MSH3: variants seen among roughly 807,000 people sequenced by gnomAD.
MSH3 encodes DNA mismatch repair protein Msh3.
In MSH3, 106 loss-of-function variants were observed where a neutral mutation model predicts 123.3. The ratio of observed to expected loss-of-function variants is 0.86; its 90% CI spans 0.73 to 1.01. The LOEUF is 1.01. Ranked by LOEUF, MSH3 falls within the 50% of genes least tolerant of loss-of-function variation. MSH3 has a pLI of 0.00. For synonymous variants in MSH3, 515 were observed against 481.4 expected (o/e 1.07, Z -0.91); for missense variants, 1,459 against 1,347.6 (o/e 1.08, Z -1.29).
At chr5:80,771,372 G>A (rs1423999705) in intron 15 of MSH3, among the ~76,000 whole-genome samples, 1 of 151,726 alleles carries the variant, frequency 6.6e-6, no homozygotes, top group Non-Finnish European at 1.5e-5. Flanking sequence ...CCTGCTACTC[G>A]GGAGACTAAG....
chr5:80,662,462 A>G (rs1749457218), intron 2 of MSH3, among the ~76,000 whole-genome samples: 1 of 152,258 alleles, frequency 6.6e-6, no homozygotes, highest in East Asian at 1.9e-4. Context: ...TGATTATTTC[A>G]TCTCTGTTTT....
intron 10 of MSH3, among the ~76,000 whole-genome samples, chr5:80,733,808 G>GA (rs530450436): frequency 6.0e-5 from 9 of 150,654 alleles, no homozygotes; most frequent in African/African-American, 1.5e-4. Context: ...CTATAACTAG[G>GA]AAAAAAAAAG....
intron 2 of MSH3, among the ~76,000 whole-genome samples, chr5:80,663,235 T>G (rs974525204): frequency 3.3e-5 from 5 of 152,160 alleles, no homozygotes; most frequent in Non-Finnish European, 7.3e-5. Flanking sequence ...AAATTTGGAG[T>G]AACTGGCAAG....
intron 22 of MSH3, 108 bp downstream of exon 22, chr5:80,865,050 TGAGC>T: frequency 8.9e-7 from 1 of 1,126,530 alleles, no homozygotes; most frequent in South Asian, 1.3e-5. Flanking sequence ...GCTGTGAATG[TGAGC>T]TATAAATAAC....
intron 12 of MSH3, among the ~76,000 whole-genome samples, chr5:80,756,510 T>C (rs1743929001): frequency 6.6e-6 from 1 of 152,166 alleles, no homozygotes; most frequent in South Asian, 2.1e-4. Flanking sequence ...CATTTTCCAC[T>C]AATCTTTTAT....
intron 20 of MSH3, among the ~76,000 whole-genome samples, chr5:80,837,585 A>G (rs1445483605): frequency 2.0e-5 from 3 of 150,250 alleles, no homozygotes; most frequent in Admixed American, 6.7e-5. Flanking sequence ...CTAAAAAAAT[A>G]AAATAAAAAT....
At chr5:80,859,806 G>T (rs754277790) in intron 21 of MSH3, among the ~76,000 whole-genome samples, 2 of 149,904 alleles carry the variant, frequency 1.3e-5, no homozygotes, top group Non-Finnish European at 3.0e-5. Flanking sequence ...TCAAACTCCC[G>T]GGCTGAAGTG....
intron 13 of MSH3, among the ~76,000 whole-genome samples, chr5:80,764,188 G>T (rs1370327629): frequency 6.6e-6 from 1 of 152,210 alleles, no homozygotes; most frequent in Non-Finnish European, 1.5e-5. Flanking sequence ...GATGTCCTGG[G>T]TACAGATTGT....
chr5:80,679,753 C>G (rs1749927818), intron 8 of MSH3, among the ~76,000 whole-genome samples: 2 of 152,184 alleles, frequency 1.3e-5, no homozygotes, highest in Admixed American at 6.5e-5. Context: ...CAGATGTGTG[C>G]ATACCTAACT....
intron 8 of MSH3, among the ~76,000 whole-genome samples, chr5:80,692,639 T>TGG (rs1750325796): frequency 7.0e-6 from 1 of 143,132 alleles, no homozygotes. Context: ...TATGTTTATA[T>TGG]ATGTTTATAT....
intron 20 of MSH3, among the ~76,000 whole-genome samples, chr5:80,848,059 C>T (rs1349163210): frequency 6.6e-6 from 1 of 152,110 alleles, no homozygotes; most frequent in Non-Finnish European, 1.5e-5. Flanking sequence ...GGTGGAACCC[C>T]ATCTCTACTA....
intron 20 of MSH3, among the ~76,000 whole-genome samples, chr5:80,828,240 A>G (rs968693721): frequency 3.3e-5 from 5 of 152,188 alleles, no homozygotes; most frequent in African/African-American, 1.2e-4. Context: ...GGGGCTTACT[A>G]GAGAAAACCA....
At chr5:80,692,701 T>C (rs528706058) in intron 8 of MSH3, among the ~76,000 whole-genome samples, 3 of 137,712 alleles carry the variant, frequency 2.2e-5, no homozygotes, top group African/African-American at 8.0e-5. Flanking sequence ...TAAATATACA[T>C]ACACATGTAT....
intron 8 of MSH3, among the ~76,000 whole-genome samples, chr5:80,720,092 AC>A (rs1434637913): frequency 1.3e-5 from 2 of 152,170 alleles, no homozygotes; most frequent in Admixed American, 6.5e-5. Context: ...TTCCTGGCTT[AC>A]AGTTTATTTC....
chr5:80,690,515 G>C (rs192543576), intron 8 of MSH3, among the ~76,000 whole-genome samples: 1 of 152,046 alleles, frequency 6.6e-6, no homozygotes, highest in East Asian at 1.9e-4. Context: ...TAGGGGTTTC[G>C]CTGTGTAGGT....
chr5:80,856,500 A>G (rs190319256), intron 21 of MSH3, among the ~76,000 whole-genome samples: 411 of 135,992 alleles, frequency 3.0e-3, no homozygotes, highest in Admixed American at 5.4e-3. Context: ...GAGTTGAACA[A>G]TGAGAACACA....
At chr5:80,814,119 C>G (rs1745058148) in intron 20 of MSH3, among the ~76,000 whole-genome samples, 1 of 131,844 alleles carries the variant, frequency 7.6e-6, no homozygotes, top group African/African-American at 2.9e-5. Flanking sequence ...AAGTGAGACC[C>G]TGTCTCAAAG....
intron 8 of MSH3, among the ~76,000 whole-genome samples, chr5:80,703,176 T>A (rs183153086): frequency 8.5e-5 from 13 of 152,308 alleles, no homozygotes; most frequent in African/African-American, 2.9e-4. Flanking sequence ...GAATGTACAT[T>A]TGAATTGTGG....
intron 19 of MSH3, among the ~76,000 whole-genome samples, chr5:80,804,951 C>T (rs1580060028): frequency 6.6e-6 from 1 of 152,186 alleles, no homozygotes; most frequent in East Asian, 1.9e-4. Context: ...CAGCCTTGTT[C>T]TTTGTTAGCC....
Sources: allele counts gnomAD v4.1 joint callset (sites outside exome capture counted in the v4.1 genomes callset), GRCh38; gene constraint gnomAD v4.1.1; transcripts MANE v1.5; gene names NCBI Gene and HGNC (gene_info 2026-07-23, HGNC 2026-07-21).